MARCHF8: variants seen among roughly 807,000 people sequenced by gnomAD.
MARCHF8 encodes the protein E3 ubiquitin-protein ligase MARCHF8.
MARCHF8 carries 40 observed loss-of-function variants against 51.6 expected under a neutral mutation model. The ratio of observed to expected loss-of-function variants is 0.77; its 90% CI spans 0.60 to 1.01. The LOEUF is 1.01. Ranked by LOEUF, MARCHF8 falls within the 50% of genes least tolerant of loss-of-function variation. The probability of loss-of-function intolerance (pLI) is 0.00; values close to 1 mark genes in which losing one functional copy is unlikely to be tolerated. For missense variants in MARCHF8, 685 were observed against 708.6 expected (o/e 0.97, Z 0.38); for synonymous variants, 263 against 280.3 (o/e 0.94, Z 0.62).
intron 2 of MARCHF8, among the ~76,000 whole-genome samples, chr10:45,495,632 C>G (rs1200259588): frequency 1.3e-5 from 2 of 151,830 alleles, no homozygotes; most frequent in African/African-American, 4.8e-5. Flanking sequence ...CAAGAGTAAA[C>G]GTACCATAAT....
rs563758618 is a variant in MARCHF8, at chr10:45,519,834, C to T, written c.102+13276G>A. ...GAGAGGAAGGACAAAGAAAACATTT[C>T]AGAGGTGGAATCAGTAAAACTTATT... On this transcript the variant is annotated intron_variant, in intron 2 of 7. Transcript: ENST00000453424. Among the ~76,000 whole-genome samples the T allele has an allele frequency of 2.0e-5, 3 of 152,310 alleles. No individual in the cohort carries two copies. The South Asian group carries it at 6.2e-4, about 32-fold the overall frequency.
At chr10:45,563,430 G>A (rs901963861) in intron 1 of MARCHF8, among the ~76,000 whole-genome samples, 5 of 152,148 alleles carry the variant, frequency 3.3e-5, no homozygotes, top group African/African-American at 9.7e-5. Flanking sequence ...CTGTATATAT[G>A]AGAGATGATA....
At chr10:45,488,174 C>G (rs1280766281) in intron 3 of MARCHF8, among the ~76,000 whole-genome samples, 1 of 152,144 alleles carries the variant, frequency 6.6e-6, no homozygotes, top group Non-Finnish European at 1.5e-5. Context: ...ATGGCTGATT[C>G]ACTTCCCAAG....
At chr10:45,513,292 G>A (rs2043564115) in intron 2 of MARCHF8, among the ~76,000 whole-genome samples, 1 of 152,056 alleles carries the variant, frequency 6.6e-6, no homozygotes, top group South Asian at 2.1e-4. Flanking sequence ...AGTGCTATAT[G>A]AGCAAGTAAC....
chr10:45,559,993 CACAG>C (rs1317559807), intron 1 of MARCHF8, among the ~76,000 whole-genome samples: 1 of 152,086 alleles, frequency 6.6e-6, no homozygotes. Flanking sequence ...CCCCGCAACA[CACAG>C]ACAGGCAGCT....
At chr10:45,580,400 A>G (rs1339277083) in intron 1 of MARCHF8, among the ~76,000 whole-genome samples, 1 of 152,184 alleles carries the variant, frequency 6.6e-6, no homozygotes. Context: ...CACCTGTCCC[A>G]GTCTCCAGTT....
rs1222429637 is a variant in MARCHF8 at position 45,461,409 on chromosome 10, A to G, written c.1091T>C (p.Ile364Thr). ...CTCATCATCTCCTTCACAGTGGCAG[A>G]TCCTATGGTGGAAGGAAAACCTGTC... is the stretch of plus-strand genomic sequence containing the variant. ...PVSTSGDVCR[I>T]CHCEGDDESP... Residue 364 changes from isoleucine (I) to threonine (T), a missense_variant and splice_region_variant, in exon 6 of 8, where the codon ATC becomes ACC. Ile to Thr is a moderately conservative substitution (Grantham distance 89). Transcript: ENST00000453424. 1 of 1,554,508 alleles carries G rather than the reference A, an allele frequency of 6.4e-7. No individual in the cohort carries two copies. Among genetic ancestry groups the G allele is most frequent in the South Asian group, 1.2e-5 (1 of 83,552 alleles).
intron 1 of MARCHF8, among the ~76,000 whole-genome samples, chr10:45,577,912 T>C (rs914761004): frequency 9.2e-5 from 14 of 152,298 alleles, no homozygotes; most frequent in African/African-American, 3.4e-4. Flanking sequence ...TCCTAGCTAC[T>C]TGGGAAACCA....
At chr10:45,585,557 G>A (rs1407743937) in intron 1 of MARCHF8, among the ~76,000 whole-genome samples, 1 of 152,118 alleles carries the variant, frequency 6.6e-6, no homozygotes, top group East Asian at 1.9e-4. Flanking sequence ...TACAAATGTG[G>A]TAAAACTATA....
intron 2 of MARCHF8, among the ~76,000 whole-genome samples, chr10:45,514,542 A>G (rs1564496327): frequency 6.6e-6 from 1 of 152,238 alleles, no homozygotes; most frequent in Admixed American, 6.5e-5. Flanking sequence ...CCTGCCATCA[A>G]ACTGGACTAC....
At chr10:45,496,126 C>T (rs2043171050) in intron 2 of MARCHF8, among the ~76,000 whole-genome samples, 1 of 152,042 alleles carries the variant, frequency 6.6e-6, no homozygotes, top group African/African-American at 2.4e-5. Context: ...TAAACAGAAA[C>T]TCAGAGAATT....
chr10:45,511,285 C>T (rs925817189), intron 2 of MARCHF8, among the ~76,000 whole-genome samples: 1 of 152,012 alleles, frequency 6.6e-6, no homozygotes, highest in Admixed American at 6.6e-5. Context: ...ATAATGTATC[C>T]AATAAATACA....
At chr10:45,540,454 C>A (rs2044034200) in intron 1 of MARCHF8, among the ~76,000 whole-genome samples, 1 of 152,112 alleles carries the variant, frequency 6.6e-6, no homozygotes, top group South Asian at 2.1e-4. Flanking sequence ...AGACCTAAAA[C>A]CATAAAAACC....
intron 1 of MARCHF8, among the ~76,000 whole-genome samples, chr10:45,586,320 G>T (rs1001031468): frequency 1.2e-4 from 19 of 152,102 alleles, no homozygotes; most frequent in African/African-American, 4.1e-4. Flanking sequence ...AGAATGTAGT[G>T]TTTTGTCTGG....
chr10:45,522,286 C>A (rs962917303), intron 2 of MARCHF8, among the ~76,000 whole-genome samples: 1 of 152,102 alleles, frequency 6.6e-6, no homozygotes, highest in African/African-American at 2.4e-5. Context: ...GCCACTGAGG[C>A]CTGAAGGACA....
chr10:45,493,659 T>A (rs1405055535), intron 2 of MARCHF8, among the ~76,000 whole-genome samples: 11 of 152,158 alleles, frequency 7.2e-5, no homozygotes, highest in African/African-American at 2.7e-4. Context: ...GGACTCAGAT[T>A]TCTGCATTTC....
At chr10:45,465,358 T>C (rs1417768044) in intron 3 of MARCHF8, among the ~76,000 whole-genome samples, 1 of 152,236 alleles carries the variant, frequency 6.6e-6, no homozygotes, top group African/African-American at 2.4e-5. Context: ...ACCACCCACC[T>C]TCTGCAGGCC....
chr10:45,488,615 G>A (rs903971658), intron 3 of MARCHF8, among the ~76,000 whole-genome samples: 1 of 152,184 alleles, frequency 6.6e-6, no homozygotes, highest in East Asian at 1.9e-4. Context: ...GCCAACAGAA[G>A]GTTTGCTGGA....
chr10:45,533,971 CAGG>C (rs2043932830), intron 1 of MARCHF8, among the ~76,000 whole-genome samples: 1 of 152,182 alleles, frequency 6.6e-6, no homozygotes, highest in Non-Finnish European at 1.5e-5. Context: ...ATCACGAGGT[CAGG>C]AGATCGAGAC....
Sources: gnomAD v4.1 joint callset for allele counts (sites outside exome capture counted in the v4.1 genomes callset) on GRCh38, gnomAD v4.1.1 for gene constraint, MANE v1.5 for transcripts, NCBI Gene and HGNC (gene_info 2026-07-23, HGNC 2026-07-21) for gene names.